Variants in KLHL6 observed in about 807,000 individuals in gnomAD.
KLHL6 encodes the protein kelch like family member 6, also known as kelch-like protein 6.
KLHL6 carries 41 observed loss-of-function variants against 58.6 expected under a neutral mutation model. The ratio of observed to expected loss-of-function variants is 0.70; its 90% confidence interval spans 0.55 to 0.91. The LOEUF (loss-of-function observed/expected upper bound fraction) is 0.91. Among genes scored for constraint, KLHL6 ranks in the 40% least tolerant of loss-of-function variants. KLHL6 has a pLI of 0.00. For synonymous variants in KLHL6, 338 were observed against 322.7 expected (o/e 1.05, Z -0.51); for missense variants, 714 against 805.6 (o/e 0.89, Z 1.38).
intron 1 of KLHL6, among the ~76,000 whole-genome samples, chr3:183,543,886 G>A (rs1344075933): frequency 2.6e-5 from 4 of 152,164 alleles, no homozygotes; most frequent in African/African-American, 7.2e-5. Flanking sequence ...GCACCAGGCC[G>A]GGTGTGGTGG....
At chr3:183,534,169 T>C (rs1009595157) in intron 1 of KLHL6, among the ~76,000 whole-genome samples, 4 of 18,608 alleles carry the variant, frequency 2.1e-4, no homozygotes, top group East Asian at 4.7e-3. Context: ...TTAAAAGACA[T>C]TACTTTAAAA....
At chr3:183,520,893 C>G (rs774021907) in intron 2 of KLHL6, 1 of 151,870 alleles carries the variant, frequency 6.6e-6, no homozygotes, top group African/African-American at 2.4e-5. Flanking sequence ...CTTCCTCTTT[C>G]ATTAATCCTC....
chr3:183,491,299 G>A lies in KLHL6; in HGVS notation c.*628C>T, dbSNP rs538339856. 1.3e-5 allele frequency: 2 copies of A among 152,282 alleles called. No homozygotes were observed. The highest frequency in any genetic ancestry group is 2.1e-4 in the South Asian group (1 of 4,820). The allele number at this position is 152,282 out of a possible 1,614,324, so 9.4% of individuals were successfully genotyped here. On this transcript the variant is annotated 3_prime_UTR_variant, in exon 7 of 7. Coordinates refer to ENST00000341319, the MANE Select transcript of KLHL6 (RefSeq NM_130446.4). Reference sequence around the variant, plus strand: ...TAATTTTTGTATTTTTAGTAGAGACGGGGCGGTCTCACCATGTTGGCCAGG... The same window carrying A: ...TAATTTTTGTATTTTTAGTAGAGACAGGGCGGTCTCACCATGTTGGCCAGG...
chr3:183,549,587 C>T (rs920447115), intron 1 of KLHL6, among the ~76,000 whole-genome samples: 2 of 152,204 alleles, frequency 1.3e-5, no homozygotes. Context: ...TGGCTCACTG[C>T]AACCTCCGCC....
chr3:183,547,585 A>G (rs1712768037), intron 1 of KLHL6, among the ~76,000 whole-genome samples: 1 of 152,224 alleles, frequency 6.6e-6, no homozygotes, highest in Non-Finnish European at 1.5e-5. Context: ...CAACAGAGGC[A>G]TAATATGAAA....
At chr3:183,524,211 G>A (rs1028606213) in intron 2 of KLHL6, among the ~76,000 whole-genome samples, 1 of 152,138 alleles carries the variant, frequency 6.6e-6, no homozygotes, top group Non-Finnish European at 1.5e-5. Flanking sequence ...ATAGTTTGGG[G>A]CTGGCTTGCT....
chr3:183,539,121 A>G (rs2108691891), intron 1 of KLHL6, among the ~76,000 whole-genome samples: 1 of 152,336 alleles, frequency 6.6e-6, no homozygotes, highest in East Asian at 1.9e-4. Context: ...CCTCTGCCCT[A>G]GAAAGAGGTC....
chr3:183,494,807 A>G (rs2108663766), intron 4 of KLHL6, among the ~76,000 whole-genome samples: 1 of 152,350 alleles, frequency 6.6e-6, no homozygotes, highest in South Asian at 2.1e-4. Flanking sequence ...TGTCGCTCTG[A>G]TCTGTTTAAA....
At chr3:183,520,826 A>G (rs558488940) in intron 2 of KLHL6, 3 of 152,214 alleles carry the variant, frequency 2.0e-5, no homozygotes, top group Non-Finnish European at 2.9e-5. Flanking sequence ...GAGACATTCC[A>G]TTTCCAGGGA....
At chr3:183,536,413 G>A (rs1370072280) in intron 1 of KLHL6, among the ~76,000 whole-genome samples, 1 of 152,232 alleles carries the variant, frequency 6.6e-6, no homozygotes. Context: ...GTATGTGTGA[G>A]TTTGCATGTG....
chr3:183,495,876 A>T (rs919804052), intron 4 of KLHL6, among the ~76,000 whole-genome samples: 3 of 152,230 alleles, frequency 2.0e-5, no homozygotes, highest in African/African-American at 7.2e-5. Context: ...GTTAAAAACA[A>T]GAGCACAGAA....
In KLHL6 at chr3:183,552,574, C is replaced by T. The variant is rs77955085; in HGVS notation, c.293+2787G>A. 1.8e-3 allele frequency among the ~76,000 whole-genome samples: 269 copies of T among 151,952 alleles called. 7 individuals are homozygous for T. In the East Asian group the frequency reaches 0.039, roughly 22 times the overall value. On this transcript the variant is annotated intron_variant, in intron 1 of 6. Coordinates refer to ENST00000341319, the MANE Select transcript of KLHL6 (RefSeq NM_130446.4). ...TCTACTAAAAATACAAAAAATTAGC[C>T]GGGCGTGGTGGCAGGTGCCTGTAGT... is the stretch of plus-strand genomic sequence containing the variant.
chr3:183,490,120 C>T lies in KLHL6; in HGVS notation c.*1807G>A, dbSNP rs898976336. 1.3e-5 allele frequency: 2 copies of T among 152,164 alleles called. No homozygotes were observed. The highest frequency in any genetic ancestry group is 2.9e-5 in the Non-Finnish European group (2 of 68,024). 9.4% of individuals were successfully genotyped at this position (152,164 alleles called of 1,614,324 possible). On this transcript the variant is annotated 3_prime_UTR_variant, in exon 7 of 7. Transcript: ENST00000341319. ...GATTAGAATGAATTTCCAGTGAGCT[C>T]ATTTGAAAGCTGTAGCTCTTACAGT... is the stretch of plus-strand genomic sequence containing the variant.
intron 1 of KLHL6, among the ~76,000 whole-genome samples, chr3:183,538,060 C>G (rs1481630897): frequency 6.6e-6 from 1 of 152,118 alleles, no homozygotes; most frequent in Non-Finnish European, 1.5e-5. Context: ...GAATCTGTAC[C>G]TCCAAGAATT....
At chr3:183,494,717 G>A (rs1420812884) in intron 4 of KLHL6, among the ~76,000 whole-genome samples, 3 of 152,172 alleles carry the variant, frequency 2.0e-5, no homozygotes, top group Admixed American at 1.3e-4. Flanking sequence ...TAAATTCTAT[G>A]TTTACTTTTT....
At position 183,492,213 on chromosome 3, in the gene KLHL6, G is replaced by A. The variant is rs1374527518; in HGVS notation, c.1580C>T (p.Ala527Val). 3.1e-6 allele frequency: 5 copies of A among 1,603,604 alleles called. No individual in the cohort carries two copies. The highest frequency in any genetic ancestry group is 2.2e-5 in the East Asian group (1 of 44,678). The change falls in exon 7 of 7, where the codon GCG becomes GTG. Residue 527 changes from alanine (A) to valine (V), a missense_variant. Transcript: ENST00000341319. The surrounding 1 kb of genome is among the most constrained non-coding windows in gnomAD (Gnocchi z 5.9). ...TTCCAGCGGGCTGTAGGCGTACAGC[G>A]CTCTCATGGCCCCACCTGAGGAGAG... ...RIYVVGGAMR[A>V]LYAYSPLEDS...
intron 1 of KLHL6, among the ~76,000 whole-genome samples, chr3:183,542,342 C>A (rs1712579982): frequency 6.6e-6 from 1 of 152,186 alleles, no homozygotes; most frequent in South Asian, 2.1e-4. Flanking sequence ...CCAACAAAAC[C>A]TTTCCCGGTC....
chr3:183,499,924 GC>G lies in KLHL6; in HGVS notation c.910-98del. On this transcript the variant is annotated intron_variant, in intron 3 of 6. Coordinates refer to ENST00000341319, the MANE Select transcript of KLHL6 (RefSeq NM_130446.4). The surrounding 1 kb of genome is among the most constrained non-coding windows in gnomAD (Gnocchi z 4.6). ...GGAGTCGGGTCCAATTCCCATATCT[GC>G]CACGGTATGACCATGTGACTTCACC... is the stretch of plus-strand genomic sequence containing the variant. 1 of 798,592 alleles carries G rather than the reference GC, an allele frequency of 1.3e-6. No individual in the cohort carries two copies. Among genetic ancestry groups the G allele is most frequent in the Non-Finnish European group, 1.9e-6 (1 of 519,788 alleles). 49.5% of individuals were successfully genotyped at this position (798,592 alleles called of 1,614,324 possible).
chr3:183,500,485 C>G (rs1364058819), intron 3 of KLHL6, among the ~76,000 whole-genome samples: 1 of 152,176 alleles, frequency 6.6e-6, no homozygotes, highest in Non-Finnish European at 1.5e-5. Context: ...TCAAATGTAC[C>G]AGCGTTCTAT....
Sources: gnomAD v4.1 joint callset for allele counts (sites outside exome capture counted in the v4.1 genomes callset) on GRCh38, gnomAD v4.1.1 for gene constraint, Gnocchi (gnomAD v3.1) non-coding constraint, MANE v1.5 for transcripts, NCBI Gene and HGNC (gene_info 2026-07-23, HGNC 2026-07-21) for gene names.